Variants in CELF2 observed in about 807,000 individuals in gnomAD.
CELF2 encodes CUG triplet repeat RNA-binding protein 2.
A neutral mutation model predicts 62.6 loss-of-function variants in CELF2; 8 were observed. The ratio of observed to expected loss-of-function variants is 0.13; its 90% CI spans 0.07 to 0.23. The LOEUF is 0.23. Among genes scored for constraint, CELF2 ranks in the 10% least tolerant of loss-of-function variants. CELF2 has a pLI of 1.00. For synonymous variants in CELF2, 258 were observed against 250.0 expected, an observed-to-expected ratio of 1.03 and a Z score of -0.30; for missense variants, 333 against 671.0, an observed-to-expected ratio of 0.50 and a Z score of 5.56.
intron 1 of CELF2, among the ~76,000 whole-genome samples, chr10:10,806,199 T>A (rs867784092): frequency 2.9e-5 from 3 of 103,752 alleles, no homozygotes; most frequent in Non-Finnish European, 5.7e-5. Context: ...GGGGTTCCAG[T>A]GTTCTTTTTT....
At chr10:10,485,013 G>C in the CELF2 span, among the ~76,000 whole-genome samples, 1 of 151,958 alleles carries the variant, frequency 6.6e-6, no homozygotes. Context: ...TACTCTTTCT[G>C]ATGCTACCAG....
chr10:10,756,382 C>A, the CELF2 span, among the ~76,000 whole-genome samples: 1 of 152,286 alleles, frequency 6.6e-6, no homozygotes, highest in Admixed American at 6.5e-5. Flanking sequence ...TTTGGATAGT[C>A]ATTCTGTTTG....
rs149742085 is a variant in CELF2 at position 11,188,566 on chromosome 10, C to G, written c.271+22884C>G. 7.1e-3 allele frequency among the ~76,000 whole-genome samples: 1,078 copies of G among 151,976 alleles called. 13 individuals are homozygous for G. The highest frequency in any genetic ancestry group is 0.025 in the African/African-American group (1,035 of 41,438). ...CCTCAGTCTGCTTTTAACATTTTCT[C>G]TTTATGTGACTGGGTTTGAGTAATT... On this transcript the variant is annotated intron_variant, in intron 2 of 12. Coordinates refer to ENST00000633077, the MANE Select transcript of CELF2 (RefSeq NM_001326342.2).
chr10:11,264,119 G>C (rs2081508455), intron 5 of CELF2, among the ~76,000 whole-genome samples: 1 of 152,078 alleles, frequency 6.6e-6, no homozygotes, highest in African/African-American at 2.4e-5. Flanking sequence ...TTTTGGGTGG[G>C]GTAAGGATTA....
At chr10:11,111,053 C>G (rs2055028607) in intron 1 of CELF2, among the ~76,000 whole-genome samples, 1 of 152,166 alleles carries the variant, frequency 6.6e-6, no homozygotes, top group African/African-American at 2.4e-5. Flanking sequence ...CCACCCTTTT[C>G]CATCCTGCTA....
chr10:10,504,639 T>A, the CELF2 span, among the ~76,000 whole-genome samples: 4 of 152,178 alleles, frequency 2.6e-5, no homozygotes, highest in Non-Finnish European at 4.4e-5. Context: ...CCTCCTTCTT[T>A]CCATCTGAAA....
In CELF2 at chr10:11,098,577, C is replaced by G. The variant is rs2050566059; in HGVS notation, c.75-66909C>G. Reference sequence around the variant, plus strand: ...AAGAGATAACAGACACTGAAATCATCACATATTCCTTTAGAAAGGCACAGT... The same window carrying G: ...AAGAGATAACAGACACTGAAATCATGACATATTCCTTTAGAAAGGCACAGT... On this transcript the variant is annotated intron_variant, in intron 1 of 12. Transcript: ENST00000633077. The surrounding 1 kb of genome is among the most constrained non-coding windows in gnomAD (Gnocchi z 4.0). 1 of 152,196 alleles carries G rather than the reference C, an allele frequency of 6.6e-6. No homozygotes were observed. The highest frequency in any genetic ancestry group is 6.5e-5 in the Admixed American group (1 of 15,276). The allele number at this position is 152,196 out of a possible 1,614,324, so 9.4% of individuals were successfully genotyped here. A position where few individuals can be genotyped will look rare whatever the true frequency, so the allele number is the denominator to read the frequency against.
intron 1 of CELF2, among the ~76,000 whole-genome samples, chr10:10,916,849 G>A (rs2064379737): frequency 6.6e-6 from 1 of 151,914 alleles, no homozygotes; most frequent in Admixed American, 6.5e-5. Context: ...CTGGCCTCAA[G>A]TGATCCACCT....
intron 1 of CELF2, among the ~76,000 whole-genome samples, chr10:11,143,490 A>G (rs1194378269): frequency 1.3e-5 from 2 of 152,228 alleles, no homozygotes; most frequent in Non-Finnish European, 2.9e-5. Flanking sequence ...CAGGCCAGAC[A>G]GTTGCTGCCA....
intron 1 of CELF2, chr10:11,096,167 C>CTT (rs2049828749): frequency 6.6e-6 from 1 of 152,172 alleles, no homozygotes; most frequent in South Asian, 2.1e-4. Flanking sequence ...ACAACTAAAG[C>CTT]TTAAATAATG....
At chr10:11,279,860 T>C (rs2087672816) in intron 8 of CELF2, among the ~76,000 whole-genome samples, 1 of 152,222 alleles carries the variant, frequency 6.6e-6, no homozygotes, top group Non-Finnish European at 1.5e-5. Context: ...AATCCCTGTA[T>C]TCTCAACTTT....
chr10:11,140,391 T>G (rs2132207013), intron 1 of CELF2, among the ~76,000 whole-genome samples: 2 of 151,956 alleles, frequency 1.3e-5, no homozygotes, highest in Non-Finnish European at 2.9e-5. Context: ...CAGGAGTGAG[T>G]CACCATGCCC....
intron 1 of CELF2, among the ~76,000 whole-genome samples, chr10:11,118,648 G>C (rs1345301967): frequency 6.6e-6 from 1 of 152,152 alleles, no homozygotes; most frequent in Non-Finnish European, 1.5e-5. Context: ...TGACTTTGGG[G>C]TTCTTGGCCT....
intron 1 of CELF2, among the ~76,000 whole-genome samples, chr10:11,139,798 C>T (rs976166345): frequency 2.6e-5 from 4 of 151,770 alleles, no homozygotes; most frequent in Non-Finnish European, 5.9e-5. Context: ...TACCTCTCCC[C>T]GTTTCCTTTC....
At chr10:10,478,832 A>G in the CELF2 span, among the ~76,000 whole-genome samples, 1 of 152,180 alleles carries the variant, frequency 6.6e-6, no homozygotes, top group Non-Finnish European at 1.5e-5. Context: ...GCAAAGTGTA[A>G]ATCACTGGAA....
chr10:10,718,869 A>C, the CELF2 span, among the ~76,000 whole-genome samples: 232 of 152,302 alleles, frequency 1.5e-3, 2 homozygotes, highest in Middle Eastern at 0.024. Flanking sequence ...TTGAGCCCAA[A>C]TATTTTAAGC....
intron 2 of CELF2, among the ~76,000 whole-genome samples, chr10:11,195,111 C>T (rs2057100094): frequency 6.6e-6 from 1 of 152,210 alleles, no homozygotes. Flanking sequence ...TGATACTCAT[C>T]GTCAGCATTC....
chr10:11,326,223 C>T (rs185359126), intron 12 of CELF2, among the ~76,000 whole-genome samples: 4 of 152,362 alleles, frequency 2.6e-5, no homozygotes, highest in African/African-American at 9.6e-5. Context: ...CACAATTTAG[C>T]TCATCTTCCC....
chr10:10,911,876 C>T (rs149635854), intron 1 of CELF2, among the ~76,000 whole-genome samples: 19 of 152,340 alleles, frequency 1.2e-4, no homozygotes, highest in African/African-American at 4.3e-4. Context: ...CATTTCCACC[C>T]AGGAATAGAT....
Sources: allele counts gnomAD v4.1 joint callset (sites outside exome capture counted in the v4.1 genomes callset), GRCh38; gene constraint gnomAD v4.1.1; non-coding constraint Gnocchi (gnomAD v3.1); transcripts MANE v1.5; gene names NCBI Gene and HGNC (gene_info 2026-07-23, HGNC 2026-07-21).